The following POTEF variants were observed in gnomAD, a reference collection of about 807,000 sequenced individuals.
POTEF encodes POTE ankyrin domain family member F, also known as ANKRD26-like family C member 1B.
Under a neutral mutation model 83.2 loss-of-function variants are expected in POTEF, and 20 were observed. The ratio of observed to expected loss-of-function variants is 0.24; its 90% CI spans 0.17 to 0.35. POTEF has a LOEUF of 0.35. POTEF is among the 10% of genes least tolerant of loss of function. The probability of loss-of-function intolerance (pLI) is 1.00; values close to 1 mark genes in which losing one functional copy is unlikely to be tolerated. For synonymous variants in POTEF, 196 were observed against 446.4 expected (o/e 0.44, Z 7.07); for missense variants, 550 against 1,203.2 (o/e 0.46, Z 8.03).
chr2:130,128,862 C>T (rs1219222412), intron 1 of POTEF, among the ~76,000 whole-genome samples: 1 of 119,342 alleles, frequency 8.4e-6, no homozygotes, highest in East Asian at 2.5e-4. Context: ...GTGCACACAA[C>T]CTGCCTCCCC....
At chr2:130,117,762 A>G (rs937050928) in intron 3 of POTEF, among the ~76,000 whole-genome samples, 2 of 152,008 alleles carry the variant, frequency 1.3e-5, no homozygotes, top group African/African-American at 4.8e-5. Flanking sequence ...TTTGGTAAAG[A>G]TATTTCAGTA....
chr2:130,120,454 C>G lies in POTEF; in HGVS notation c.62G>C (p.Arg21Thr), dbSNP rs772249530. ...ASSVKKPFGL[R>T]SKMGKWCCRC... ...GCAGCACCACTTGCCCATCTTGCTC[C>G]TGAGACCAAATGGCTTCTTCACAGA... is the stretch of plus-strand genomic sequence containing the variant. Residue 21 changes from arginine (R) to threonine (T), a missense_variant, in exon 3 of 17, where the codon AGG becomes ACG. Physicochemically the swap from Arg to Thr is moderately conservative, Grantham distance 71 (BLOSUM62 -1). Transcript: ENST00000409914. 117 of 1,613,538 alleles carry G rather than the reference C, an allele frequency of 7.3e-5. No homozygotes were observed. The South Asian group carries it at 7.5e-4, about 10-fold the overall frequency.
chr2:130,112,474 CA>C lies in POTEF; in HGVS notation c.811-374del, dbSNP rs1324477779. ...TGTCTCTATATCCTCAACCCTAAGA[CA>C]AATTGTGTATAAAGCAAGAATCTGC... is the stretch of plus-strand genomic sequence containing the variant. On this transcript the variant is annotated intron_variant, in intron 5 of 16. Transcript: ENST00000409914. Among the ~76,000 whole-genome samples, 16 of 81,388 alleles carry C rather than the reference CA, an allele frequency of 2.0e-4. 2 individuals are homozygous for C. Among genetic ancestry groups the C allele is most frequent in the African/African-American group, 7.4e-4 (16 of 21,766 alleles). The allele number at this position is 81,388 out of a possible 152,430, so 53.4% of individuals were successfully genotyped here.
intron 14 of POTEF, 26 bp downstream of exon 14, chr2:130,086,317 A>G (rs1684012500): frequency 6.3e-7 from 1 of 1,580,474 alleles, no homozygotes; most frequent in Admixed American, 1.7e-5. Flanking sequence ...CTAATTCAAC[A>G]CAAACGTTTG....
intron 2 of POTEF, among the ~76,000 whole-genome samples, chr2:130,126,953 G>A (rs1685106078): frequency 6.6e-6 from 1 of 151,878 alleles, no homozygotes. Context: ...GGAATTAGAA[G>A]GCCTATTATG....
chr2:130,123,236 ACTTT>A lies in POTEF; in HGVS notation c.-93-2632_-93-2629del, dbSNP rs1320472878. ...AAGGTTTTAATCTAACAATTTTTAA[ACTTT>A]CTTTGTCAATGACTTTGAACTGTGG... On this transcript the variant is annotated intron_variant, in intron 2 of 16. Transcript: ENST00000409914. Among the ~76,000 whole-genome samples, 6 of 145,594 alleles carry A rather than the reference ACTTT, an allele frequency of 4.1e-5. No individual in the cohort carries two copies. In the East Asian group the frequency reaches 7.8e-4, roughly 19 times the overall value.
Position 130,111,904 on chromosome 2 carries a change from G to C in POTEF, c.917+91C>G, listed in dbSNP as rs1457258590. On this transcript the variant is annotated intron_variant, in intron 6 of 16. Coordinates refer to ENST00000409914, the MANE Select transcript of POTEF (RefSeq NM_001099771.2). ...TGTTGATACTGATCACTACATCCCA[G>C]TAAGTATACATTAATCTTATTAATT... The C allele has an allele frequency of 4.9e-6, 5 of 1,021,356 alleles. No individual in the cohort carries two copies. In the East Asian group the frequency reaches 1.4e-4, roughly 29 times the overall value. The allele number at this position is 1,021,356 out of a possible 1,614,324, so 63.3% of individuals were successfully genotyped here. A position where few individuals can be genotyped will look rare whatever the true frequency, so the allele number is the denominator to read the frequency against.
intron 15 of POTEF, among the ~76,000 whole-genome samples, chr2:130,083,212 G>A (rs1429690081): frequency 6.8e-6 from 1 of 147,790 alleles, no homozygotes; most frequent in Non-Finnish European, 1.5e-5. Context: ...TTGCACACCT[G>A]TAATCCCAGC....
At chr2:130,112,821 C>CA (rs1194428531) in intron 5 of POTEF, among the ~76,000 whole-genome samples, 2 of 150,442 alleles carry the variant, frequency 1.3e-5, no homozygotes, top group African/African-American at 5.0e-5. Flanking sequence ...CGTCAATTGA[C>CA]AAAAAATGGT....
chr2:130,120,559 G>A lies in POTEF; in HGVS notation c.-44C>T, dbSNP rs544595809. On this transcript the variant is annotated 5_prime_UTR_variant, in exon 3 of 17. Coordinates refer to ENST00000409914, the MANE Select transcript of POTEF (RefSeq NM_001099771.2). ...AGAAGCCAGTAGTAGCCAACAGATC[G>A]CGTCTACCAACCAGTTTCACCAACT... The A allele has an allele frequency of 1.5e-4, 234 of 1,609,120 alleles. No individual in the cohort carries two copies. The highest frequency in any genetic ancestry group is 6.4e-4 in the Middle Eastern group (3 of 4,668).
At chr2:130,107,702 G>A in intron 8 of POTEF, 1 of 374,436 alleles carries the variant, frequency 2.7e-6, no homozygotes, top group Non-Finnish European at 4.9e-6. Context: ...TGCTTCGTAT[G>A]AGAATCTAAT....
chr2:130,114,540 T>C (rs1381444899), intron 5 of POTEF, among the ~76,000 whole-genome samples: 1 of 146,022 alleles, frequency 6.8e-6, no homozygotes, highest in Non-Finnish European at 1.5e-5. Context: ...GGAGTTTTCA[T>C]GTAAAACCTA....
chr2:130,105,013 C>T (rs1355177829), intron 8 of POTEF, among the ~76,000 whole-genome samples: 1 of 150,508 alleles, frequency 6.6e-6, no homozygotes, highest in East Asian at 1.9e-4. Context: ...TCTGTATTCA[C>T]CAGAAAATTT....
chr2:130,110,169 C>G lies in POTEF; in HGVS notation c.1055+374G>C, dbSNP rs541249019. Reference sequence around the variant, plus strand: ...ATTCAAGGAGTATGTAGGACATAGTCCCCAGAAGACAGTACAAGACTTTCC... The same window carrying G: ...ATTCAAGGAGTATGTAGGACATAGTGCCCAGAAGACAGTACAAGACTTTCC... On this transcript the variant is annotated intron_variant, in intron 7 of 16. Coordinates refer to ENST00000409914, the MANE Select transcript of POTEF (RefSeq NM_001099771.2). Among the ~76,000 whole-genome samples the G allele has an allele frequency of 5.8e-3, 872 of 151,534 alleles. 28 individuals carry two copies. The highest frequency in any genetic ancestry group is 0.019 in the African/African-American group (794 of 40,942).
At chr2:130,098,730 TATA>T (rs1158625414) in intron 11 of POTEF, among the ~76,000 whole-genome samples, 20 of 129,694 alleles carry the variant, frequency 1.5e-4, no homozygotes, top group African/African-American at 3.6e-4. Flanking sequence ...ATCTTTTTGA[TATA>T]ATAATGCTGT....
intron 3 of POTEF, among the ~76,000 whole-genome samples, chr2:130,118,545 C>T (rs1447245394): frequency 1.3e-5 from 2 of 150,726 alleles, no homozygotes; most frequent in East Asian, 4.0e-4. Flanking sequence ...AAATACAAAG[C>T]AATTAGCCAG....
At chr2:130,111,895 T>C in intron 6 of POTEF, 100 bp downstream of exon 6, 1 of 879,058 alleles carries the variant, frequency 1.1e-6, no homozygotes. Flanking sequence ...TACTGATCAC[T>C]ACATCCCAGT....
At chr2:130,075,842 AAAAT>A (rs1683785436) in intron 16 of POTEF, among the ~76,000 whole-genome samples, 2 of 150,118 alleles carry the variant, frequency 1.3e-5, no homozygotes, top group Admixed American at 1.3e-4. Context: ...AAGACGATGA[AAAAT>A]AAATCACTAG....
chr2:130,110,748 G>A, intron 6 of POTEF, 68 bp from the exon 7 acceptor site: 2 of 717,130 alleles, frequency 2.8e-6, no homozygotes, highest in South Asian at 1.9e-5. Context: ...CTTTACCAAT[G>A]TAACATCTTG....
Sources: gnomAD v4.1 joint callset for allele counts (sites outside exome capture counted in the v4.1 genomes callset) on GRCh38, gnomAD v4.1.1 for gene constraint, MANE v1.5 for transcripts, NCBI Gene and HGNC (gene_info 2026-07-23, HGNC 2026-07-21) for gene names.